AMACR: variants seen among roughly 807,000 people sequenced by gnomAD.
The protein encoded by AMACR is 2-methylacyl-CoA racemase.
AMACR carries 18 observed loss-of-function variants against 22.2 expected under a neutral mutation model. The observed-to-expected ratio is 0.81, with a 90% CI of 0.56 to 1.20. The LOEUF (loss-of-function observed/expected upper bound fraction) is 1.20. Ranked by LOEUF, AMACR falls within the 50% of genes most tolerant of loss-of-function variation. The pLI is 0.00. For missense variants in AMACR, 499 were observed against 490.6 expected (o/e 1.02, Z -0.16); for synonymous variants, 213 against 191.3 (o/e 1.11, Z -0.94).
intron 4 of AMACR, among the ~76,000 whole-genome samples, chr5:33,991,745 T>TTATTAC (rs1753482100): frequency 6.7e-6 from 1 of 150,086 alleles, no homozygotes; most frequent in Admixed American, 6.6e-5. Context: ...ATTATTATTA[T>TTATTAC]TATTATTATT....
chr5:33,994,011 A>T (rs10472909), intron 4 of AMACR: 213,092 of 453,128 alleles, frequency 0.47, 55,447 homozygotes, highest in Non-Finnish European at 0.56. Context: ...TTTTCAGATT[A>T]TTTTTGTCCT....
Position 33,988,382 on chromosome 5 carries a change from T to C in AMACR, c.*711A>G, listed in dbSNP as rs1307190078. On this transcript the variant is annotated 3_prime_UTR_variant, in exon 5 of 5. Transcript: ENST00000335606. ...CCAGCCTGAGGAGAAATCAAACACA[T>C]GGAGAAAGGAAAGCTGACAGCCCAG... The C allele has an allele frequency of 1.3e-6, 2 of 1,538,310 alleles. No homozygotes were observed. Among genetic ancestry groups the C allele is most frequent in the Non-Finnish European group, 1.7e-6 (2 of 1,147,498 alleles).
At chr5:33,993,661 G>A (rs1291245761) in intron 4 of AMACR, among the ~76,000 whole-genome samples, 6 of 152,156 alleles carry the variant, frequency 3.9e-5, no homozygotes, top group Non-Finnish European at 8.8e-5. Context: ...ACTATGGGAG[G>A]CTAAGTGGGG....
rs1470173189 is a variant in AMACR, at chr5:33,987,811, T to C, written c.*1282A>G. On this transcript the variant is annotated 3_prime_UTR_variant, in exon 5 of 5. Coordinates refer to ENST00000335606, the MANE Select transcript of AMACR (RefSeq NM_014324.6). ...TATATTTTTTTATTTATGTGTATTA[T>C]ATTTTTCAAGCAGCTAATAAGTTGG... The C allele has an allele frequency of 2.0e-5, 3 of 152,316 alleles. No homozygotes were observed. The highest frequency in any genetic ancestry group is 7.2e-5 in the African/African-American group (3 of 41,470). 9.4% of individuals were successfully genotyped at this position (152,316 alleles called of 1,614,324 possible).
intron 1 of AMACR, 44 bp from the exon 2 acceptor site, chr5:34,005,943 G>T (rs1236158796): frequency 6.2e-7 from 1 of 1,607,662 alleles, no homozygotes; most frequent in East Asian, 2.2e-5. Context: ...TATGAATTGA[G>T]GATGGAGATA....
chr5:33,988,884 TA>T lies in AMACR; in HGVS notation c.*208del. ...AATAACTACCATAATTTAGTATAAG[TA>T]CCCAAAGTTTTATAAATCAAAAGCC... On this transcript the variant is annotated 3_prime_UTR_variant, in exon 5 of 5. Coordinates refer to ENST00000335606, the MANE Select transcript of AMACR (RefSeq NM_014324.6). 7.1e-7 allele frequency: 1 copy of T among 1,400,870 alleles called. No homozygotes were observed. Among genetic ancestry groups the T allele is most frequent in the Non-Finnish European group, 9.2e-7 (1 of 1,082,320 alleles). 86.8% of individuals were successfully genotyped at this position (1,400,870 alleles called of 1,614,324 possible).
In AMACR at chr5:33,988,428, C is replaced by T. The variant is rs867652755; in HGVS notation, c.*665G>A. 1.8e-5 allele frequency: 27 copies of T among 1,535,594 alleles called. No individual in the cohort carries two copies. In the Middle Eastern group the frequency reaches 1.2e-3, roughly 67 times the overall value. On this transcript the variant is annotated 3_prime_UTR_variant, in exon 5 of 5. Coordinates refer to ENST00000335606, the MANE Select transcript of AMACR (RefSeq NM_014324.6). ...CCCAGAGACCCACGGGGAAACAGGC[C>T]CCGAGTTACTGGATACAGGCAACCC...
intron 4 of AMACR, among the ~76,000 whole-genome samples, chr5:33,993,297 TACC>T (rs1285948920): frequency 6.6e-6 from 1 of 152,238 alleles, no homozygotes; most frequent in Non-Finnish European, 1.5e-5. Context: ...TTTATGTCTG[TACC>T]ACATTTTGTT....
intron 4 of AMACR, among the ~76,000 whole-genome samples, chr5:33,991,764 G>T (rs972971736): frequency 9.8e-6 from 1 of 101,722 alleles, no homozygotes; most frequent in Non-Finnish European, 2.1e-5. Flanking sequence ...TTTTTGAGAC[G>T]GAGTCTCCCT....
Position 33,998,747 on chromosome 5 carries a change from G to A in AMACR, c.633C>T (p.Asn211=), listed in dbSNP as rs1400865692. ...LSLWEAPRGQ[N]MLDGGAPFYT... ...AGAAAGGTGCTCCACCATCCAACATGTTCTGTCCTCGAGGTGCTTCCCACA... is the reference window on the plus strand; with the variant it reads ...AGAAAGGTGCTCCACCATCCAACATATTCTGTCCTCGAGGTGCTTCCCACA... Residue 211 remains asparagine, a synonymous_variant, in exon 4 of 5, where the codon AAC becomes AAT. Transcript: ENST00000335606. 5.0e-6 allele frequency: 8 copies of A among 1,614,050 alleles called. No homozygotes were observed. The Admixed American group carries it at 6.7e-5, about 13-fold the overall frequency.
At chr5:34,005,655 A>C in intron 2 of AMACR, 101 bp downstream of exon 2, 1 of 1,418,372 alleles carries the variant, frequency 7.1e-7, no homozygotes, top group Non-Finnish European at 9.6e-7. Flanking sequence ...GATTCTGATA[A>C]ATGTTTAAAT....
chr5:33,990,609 C>T (rs1414455881), intron 4 of AMACR, among the ~76,000 whole-genome samples: 7 of 152,166 alleles, frequency 4.6e-5, no homozygotes, highest in Admixed American at 1.3e-4. Context: ...GGCTAAGTGT[C>T]GAATGATAAT....
At chr5:34,001,042 T>C (rs1406017270) in intron 3 of AMACR, among the ~76,000 whole-genome samples, 3 of 152,018 alleles carry the variant, frequency 2.0e-5, no homozygotes, top group Admixed American at 6.6e-5. Context: ...GGACAAGAAA[T>C]ACAGCAGGAA....
chr5:33,990,462 C>T (rs1444550675), intron 4 of AMACR, among the ~76,000 whole-genome samples: 1 of 152,190 alleles, frequency 6.6e-6, no homozygotes, highest in Admixed American at 6.5e-5. Flanking sequence ...CCTTTACTGA[C>T]TATGTGGTTC....
At chr5:34,005,723 T>C (rs1753951747) in intron 2 of AMACR, 33 bp downstream of exon 2, 1 of 1,612,664 alleles carries the variant, frequency 6.2e-7, no homozygotes, top group Non-Finnish European at 8.5e-7. Flanking sequence ...TGGAATAAAT[T>C]AAAAGTGTAG....
chr5:33,998,657 G>A lies in AMACR; in HGVS notation c.723C>T (p.Tyr241=), dbSNP rs1412349912. Residue 241 remains tyrosine, a synonymous_variant, in exon 4 of 5, where the codon TAC becomes TAT. Coordinates refer to ENST00000335606, the MANE Select transcript of AMACR (RefSeq NM_014324.6). ...MAVGAIEPQF[Y]ELLIKGLGLK... ...TTCACTTACCTTTGATCAGCAGCTC[G>A]TAGAACTGGGGTTCTATTGCTCCAA... 8 of 1,609,534 alleles carry A rather than the reference G, an allele frequency of 5.0e-6. No individual in the cohort carries two copies. Among genetic ancestry groups the A allele is most frequent in the East Asian group, 2.2e-5 (1 of 44,774 alleles).
chr5:34,000,698 C>A (rs776650674), intron 3 of AMACR, among the ~76,000 whole-genome samples: 2 of 152,074 alleles, frequency 1.3e-5, no homozygotes, highest in Non-Finnish European at 2.9e-5. Flanking sequence ...TAACTTATCT[C>A]TGTAACTCAG....
In AMACR at chr5:34,007,675, A is replaced by G. The variant is rs1754026073; in HGVS notation, c.247+98T>C. 5 of 1,427,502 alleles carry G rather than the reference A, an allele frequency of 3.5e-6. No individual in the cohort carries two copies. The South Asian group carries it at 7.3e-5, about 21-fold the overall frequency. The allele number at this position is 1,427,502 out of a possible 1,614,324, so 88.4% of individuals were successfully genotyped here. ...GGGGCCGACAAGGGTTCTTGCGGCA[A>G]CAGGGCAAAGGTGTGGCGGGTGCAG... On this transcript the variant is annotated intron_variant, in intron 1 of 4. Transcript: ENST00000335606.
intron 3 of AMACR, among the ~76,000 whole-genome samples, 156 bp downstream of exon 3, chr5:34,004,417 TA>T (rs1246696833): frequency 2.6e-5 from 4 of 152,168 alleles, no homozygotes; most frequent in African/African-American, 7.2e-5. Context: ...ATAAAAGACA[TA>T]AGTCTATTTT....
Sources: gnomAD v4.1 joint callset for allele counts (sites outside exome capture counted in the v4.1 genomes callset) on GRCh38, gnomAD v4.1.1 for gene constraint, MANE v1.5 for transcripts, NCBI Gene and HGNC (gene_info 2026-07-23, HGNC 2026-07-21) for gene names.